Variants in TANC2 observed in about 807,000 individuals in gnomAD.
TANC2 encodes tetratricopeptide repeat, ankyrin repeat and coiled-coil containing 2.
TANC2 carries 26 observed loss-of-function variants against 210.5 expected under a neutral mutation model. The ratio of observed to expected loss-of-function variants is 0.12; its 90% confidence interval spans 0.09 to 0.17. The LOEUF (loss-of-function observed/expected upper bound fraction) is 0.17. TANC2 is among the 10% of genes least tolerant of loss of function. TANC2 has a pLI of 1.00. For synonymous variants in TANC2, 931 were observed against 967.1 expected (o/e 0.96, Z 0.69); for missense variants, 2,129 against 2,608.9 (o/e 0.82, Z 4.01).
intron 1 of TANC2, among the ~76,000 whole-genome samples, chr17:62,999,906 A>T (rs1276133504): frequency 2.0e-5 from 3 of 152,248 alleles, no homozygotes; most frequent in African/African-American, 7.2e-5. Context: ...TGCAGGCATA[A>T]AAGAATGAGA....
At chr17:63,126,496 C>T (rs751321111) in intron 4 of TANC2, among the ~76,000 whole-genome samples, 1 of 152,076 alleles carries the variant, frequency 6.6e-6, no homozygotes, top group Non-Finnish European at 1.5e-5. Context: ...GCAACCTCCA[C>T]CTCCTGGGTT....
chr17:63,055,982 AAAAAAAAAATAT>A (rs1273373799), intron 2 of TANC2, among the ~76,000 whole-genome samples: 11 of 34,530 alleles, frequency 3.2e-4, no homozygotes, highest in African/African-American at 1.0e-3. Context: ...AAAAAAAAAA[AAAAAAAAAATAT>A]ATATATATAT....
chr17:63,352,656 A>G (rs1330687221), intron 13 of TANC2, among the ~76,000 whole-genome samples: 3 of 152,186 alleles, frequency 2.0e-5, no homozygotes, highest in Non-Finnish European at 4.4e-5. Flanking sequence ...GTTTCCGGAT[A>G]GAGTAGGTGA....
intron 25 of TANC2, 127 bp from the exon 26 acceptor site, chr17:63,415,401 C>G: frequency 3.2e-6 from 4 of 1,261,348 alleles, no homozygotes; most frequent in Non-Finnish European, 4.3e-6. Context: ...GAACTCCTCT[C>G]TAGGCTGGCG....
intron 1 of TANC2, among the ~76,000 whole-genome samples, chr17:63,005,700 A>C (rs904651014): frequency 6.6e-6 from 1 of 152,002 alleles, no homozygotes; most frequent in African/African-American, 2.4e-5. Flanking sequence ...TATGTTCATG[A>C]GGTATGTTGG....
exon 18 of TANC2, chr17:63,395,801 A>G (rs1422928791): frequency 1.5e-5 from 25 of 1,613,494 alleles, no homozygotes; most frequent in Non-Finnish European, 2.0e-5. Context: ...CTCCGAGGTC[A>G]TCTGGAGGTT....
At chr17:63,292,116 A>C (rs958099266) in intron 9 of TANC2, among the ~76,000 whole-genome samples, 5 of 152,186 alleles carry the variant, frequency 3.3e-5, no homozygotes, top group Non-Finnish European at 7.4e-5. Context: ...TAACTCTTCT[A>C]AGTTGTTGGA....
intron 2 of TANC2, among the ~76,000 whole-genome samples, chr17:63,036,246 C>G (rs1478129229): frequency 1.3e-5 from 2 of 151,868 alleles, no homozygotes; most frequent in African/African-American, 2.4e-5. Flanking sequence ...TGTGTTTCTT[C>G]TGAAAGTTTT....
chr17:63,250,452 A>G (rs554228597), intron 8 of TANC2, among the ~76,000 whole-genome samples: 17 of 152,184 alleles, frequency 1.1e-4, no homozygotes, highest in African/African-American at 3.4e-4. Flanking sequence ...TTGCAGTACA[A>G]TTGCGTAGTA....
intron 4 of TANC2, among the ~76,000 whole-genome samples, chr17:63,126,395 T>TG (rs1000823746): frequency 1.3e-5 from 2 of 151,962 alleles, no homozygotes; most frequent in East Asian, 1.9e-4. Context: ...GTTTTTTTAG[T>TG]GGGGGGTTTA....
rs756006150 is a variant in TANC2, at chr17:63,420,325, C to T, written c.4595C>T (p.Pro1532Leu). ...ATCCAGAGCCCACCCTCCTCTCCCCCGCATCGGGACTCAGCCTACATCTCC... is the reference window on the plus strand; with the variant it reads ...ATCCAGAGCCCACCCTCCTCTCCCCTGCATCGGGACTCAGCCTACATCTCC... Residue 1532 changes from proline to leucine, a missense_variant, in exon 28 of 28, where the codon CCG becomes CTG. Coordinates refer to ENST00000689528, the Ensembl canonical transcript of TANC2. The surrounding 1 kb of genome is among the most constrained non-coding windows in gnomAD (Gnocchi z 4.2). 27 of 1,613,992 alleles carry T rather than the reference C, an allele frequency of 1.7e-5. No homozygotes were observed. The highest frequency in any genetic ancestry group is 1.3e-4 in the East Asian group (6 of 44,878).
intron 1 of TANC2, among the ~76,000 whole-genome samples, chr17:62,972,469 T>C (rs1598166429): frequency 6.6e-6 from 1 of 152,378 alleles, no homozygotes; most frequent in East Asian, 1.9e-4. Flanking sequence ...GTCACTCATT[T>C]AAACTGAGTA....
chr17:63,033,607 T>C (rs966080469), intron 2 of TANC2, among the ~76,000 whole-genome samples: 2 of 152,244 alleles, frequency 1.3e-5, no homozygotes, highest in South Asian at 2.1e-4. Flanking sequence ...GTTTCCTATG[T>C]CATAATGATA....
In TANC2 at chr17:63,420,338, A is replaced by G. The variant is rs2048987050; in HGVS notation, c.4608A>G (p.Ser1536=). The change falls in exon 28 of 28, where the codon TCA becomes TCG. Residue 1536 remains serine, a synonymous_variant. Coordinates refer to ENST00000689528, the Ensembl canonical transcript of TANC2. The surrounding 1 kb of genome is among the most constrained non-coding windows in gnomAD (Gnocchi z 4.2). Reference sequence around the variant, plus strand: ...CCTCCTCTCCCCCGCATCGGGACTCAGCCTACATCTCCAGCTCACCTCTTG... The same window carrying G: ...CCTCCTCTCCCCCGCATCGGGACTCGGCCTACATCTCCAGCTCACCTCTTG... 1 of 1,613,882 alleles carries G rather than the reference A, an allele frequency of 6.2e-7. No homozygotes were observed. Among genetic ancestry groups the G allele is most frequent in the Non-Finnish European group, 8.5e-7 (1 of 1,179,854 alleles).
At chr17:63,098,511 G>GTATATATA (rs1286873668) in intron 3 of TANC2, among the ~76,000 whole-genome samples, 2 of 72,616 alleles carry the variant, frequency 2.8e-5, no homozygotes, top group Non-Finnish European at 5.0e-5. Context: ...CTCTCTCTCT[G>GTATATATA]TGTGTATATA....
intron 4 of TANC2, among the ~76,000 whole-genome samples, chr17:63,127,470 CACTTT>C: frequency 1.3e-5 from 2 of 152,166 alleles, no homozygotes; most frequent in Non-Finnish European, 2.9e-5. Context: ...ATGCTTTTGA[CACTTT>C]ACTTCCCAAA....
chr17:63,095,388 C>T (rs983984514), intron 3 of TANC2, among the ~76,000 whole-genome samples: 1 of 152,102 alleles, frequency 6.6e-6, no homozygotes, highest in Non-Finnish European at 1.5e-5. Flanking sequence ...CCACATCGAT[C>T]TCAAACTCCT....
At chr17:63,316,624 T>C (rs1297012560) in intron 10 of TANC2, among the ~76,000 whole-genome samples, 1 of 152,196 alleles carries the variant, frequency 6.6e-6, no homozygotes, top group Non-Finnish European at 1.5e-5. Flanking sequence ...GGTCTGACAG[T>C]TAACTTTCCG....
chr17:63,048,619 G>A (rs2035467103), intron 2 of TANC2, among the ~76,000 whole-genome samples: 1 of 152,140 alleles, frequency 6.6e-6, no homozygotes, highest in African/African-American at 2.4e-5. Flanking sequence ...TTGTATGTGT[G>A]CGGCCTTATT....
Sources: gnomAD v4.1 joint callset for allele counts (sites outside exome capture counted in the v4.1 genomes callset) on GRCh38, gnomAD v4.1.1 for gene constraint, Gnocchi (gnomAD v3.1) non-coding constraint, MANE v1.5 for transcripts, NCBI Gene and HGNC (gene_info 2026-07-23, HGNC 2026-07-21) for gene names.